Variants in DCAF1 observed in about 807,000 individuals in gnomAD.
DCAF1 encodes the protein DDB1 and CUL4 associated factor 1.
In DCAF1, 15 loss-of-function variants were observed where a neutral mutation model predicts 128.0. The ratio of observed to expected loss-of-function variants is 0.12; its 90% CI spans 0.08 to 0.18. DCAF1 has a LOEUF of 0.18. Ranked by LOEUF, DCAF1 falls within the 10% of genes least tolerant of loss-of-function variation. The pLI is 1.00. For missense variants in DCAF1, 988 were observed against 1,649.5 expected (o/e 0.60, Z 6.95); for synonymous variants, 610 against 603.0 (o/e 1.01, Z -0.17).
chr3:51,416,415 A>G (rs1698885596), intron 18 of DCAF1, among the ~76,000 whole-genome samples: 1 of 152,038 alleles, frequency 6.6e-6, no homozygotes, highest in Non-Finnish European at 1.5e-5. Context: ...ACCACCAAGC[A>G]TTTCCTACCT....
At chr3:51,465,277 T>C (rs1036415999) in intron 5 of DCAF1, among the ~76,000 whole-genome samples, 5 of 152,094 alleles carry the variant, frequency 3.3e-5, no homozygotes, top group African/African-American at 4.8e-5. Context: ...AAGGACATCG[T>C]TACTGAGCTA....
intron 13 of DCAF1, among the ~76,000 whole-genome samples, chr3:51,427,076 A>G (rs782650564): frequency 5.9e-5 from 9 of 152,212 alleles, no homozygotes; most frequent in Non-Finnish European, 1.0e-4. Context: ...GCTCAAGACA[A>G]GACTTTAACC....
chr3:51,485,850 A>G (rs181466592), intron 2 of DCAF1, among the ~76,000 whole-genome samples: 1 of 151,662 alleles, frequency 6.6e-6, no homozygotes, highest in East Asian at 1.9e-4. Context: ...TACCTGCCCT[A>G]CCCCAAAAAT....
chr3:51,420,141 G>A lies in DCAF1; in HGVS notation c.2829C>T (p.Pro943=), dbSNP rs371447321. 3.8e-4 allele frequency: 606 copies of A among 1,614,012 alleles called. 3 individuals carry two copies. The South Asian group carries it at 5.3e-3, about 14-fold the overall frequency. The change falls in exon 15 of 25, where the codon CCC becomes CCT. Residue 943 remains proline (P), a synonymous_variant. Coordinates refer to ENST00000684031, the MANE Select transcript of DCAF1 (RefSeq NM_001387579.1). This position sits in a 1 kb window ranked among gnomAD's most constrained non-coding sequence, Gnocchi z 6.5. ...GGGAGTTGCCTGCATAAGATGGGCC[G>A]GGCAGAGCTAGCGGACCCTGGGGGG... The part of the protein sequence containing the change: ...PRPPQGPLAL[P]GPSYAGNSPL...
chr3:51,441,105 T>C, intron 8 of DCAF1, 34 bp from the exon 9 acceptor site: 1 of 1,566,846 alleles, frequency 6.4e-7, no homozygotes, highest in Non-Finnish European at 8.7e-7. Flanking sequence ...TCTTAAATTT[T>C]GGCTTTATTG....
intron 2 of DCAF1, among the ~76,000 whole-genome samples, chr3:51,495,333 T>A (rs1553660209): frequency 6.8e-6 from 1 of 148,050 alleles, no homozygotes; most frequent in Admixed American, 6.9e-5. Context: ...TCAAAAAAAA[T>A]ATTAAGAATA....
intron 6 of DCAF1, among the ~76,000 whole-genome samples, chr3:51,462,084 A>C (rs933080593): frequency 1.3e-5 from 2 of 152,016 alleles, no homozygotes; most frequent in Admixed American, 1.3e-4. Context: ...TAAAAAAAAA[A>C]GAAAAGAAAA....
intron 6 of DCAF1, among the ~76,000 whole-genome samples, chr3:51,447,689 TG>T (rs1469416385): frequency 6.6e-6 from 1 of 152,224 alleles, no homozygotes; most frequent in African/African-American, 2.4e-5. Flanking sequence ...GGCTCATGCC[TG>T]TAATTCCAGC....
intron 14 of DCAF1, among the ~76,000 whole-genome samples, chr3:51,421,392 G>A (rs1699378836): frequency 6.6e-6 from 1 of 152,158 alleles, no homozygotes; most frequent in South Asian, 2.1e-4. Flanking sequence ...AAAGAGCTGG[G>A]ATTACAGGCG....
chr3:51,415,876 G>A (rs1698834938), intron 18 of DCAF1, among the ~76,000 whole-genome samples: 1 of 152,138 alleles, frequency 6.6e-6, no homozygotes, highest in Non-Finnish European at 1.5e-5. Flanking sequence ...AAGCCACTAA[G>A]TCTGGCCAGC....
At chr3:51,403,460 C>T (rs2089882336) in intron 23 of DCAF1, 65 bp from the exon 24 acceptor site, 3 of 1,527,870 alleles carry the variant, frequency 2.0e-6, no homozygotes, top group East Asian at 2.5e-5. Context: ...GGCCACATGG[C>T]GGGTCGACCA....
chr3:51,497,203 G>A (rs567981120), intron 1 of DCAF1, among the ~76,000 whole-genome samples: 1 of 152,280 alleles, frequency 6.6e-6, no homozygotes, highest in South Asian at 2.1e-4. Context: ...GCTGAGGCAT[G>A]AGAATCGCTT....
At chr3:51,498,317 G>A (rs1209488527) in intron 1 of DCAF1, among the ~76,000 whole-genome samples, 3 of 148,634 alleles carry the variant, frequency 2.0e-5, no homozygotes, top group African/African-American at 2.5e-5. Flanking sequence ...ACAAGATCGC[G>A]CCACTGCACT....
intron 16 of DCAF1, 38 bp downstream of exon 16, chr3:51,418,640 G>A (rs111916442): frequency 4.5e-6 from 7 of 1,572,862 alleles, no homozygotes; most frequent in Non-Finnish European, 6.0e-6. Flanking sequence ...ATTCATCTTG[G>A]AAGAATGACT....
intron 13 of DCAF1, 130 bp from the exon 14 acceptor site, chr3:51,422,561 G>A: frequency 1.6e-6 from 1 of 622,184 alleles, no homozygotes; most frequent in South Asian, 1.9e-5. Flanking sequence ...CTACCAGTGT[G>A]GCTCTATCTC....
chr3:51,448,328 T>A (rs1553640765), intron 6 of DCAF1, among the ~76,000 whole-genome samples: 1 of 152,226 alleles, frequency 6.6e-6, no homozygotes, highest in East Asian at 1.9e-4. Flanking sequence ...AGGATCTTCA[T>A]TATTAGTTAC....
intron 6 of DCAF1, among the ~76,000 whole-genome samples, chr3:51,455,767 C>A (rs1440139555): frequency 1.3e-5 from 2 of 151,912 alleles, no homozygotes; most frequent in Admixed American, 6.6e-5. Flanking sequence ...CATGGTGGCA[C>A]GAGCCTGTAG....
At chr3:51,432,631 G>T (rs1356864897) in intron 10 of DCAF1, among the ~76,000 whole-genome samples, 3 of 152,026 alleles carry the variant, frequency 2.0e-5, no homozygotes, top group East Asian at 1.9e-4. Context: ...GCTAATTTTT[G>T]TATTTTTAGT....
rs879967021 is a variant in DCAF1 at position 51,466,680 on chromosome 3, G to T, written c.261+123C>A. The T allele has an allele frequency of 7.9e-6, 7 of 883,782 alleles. No homozygotes were observed. The Admixed American group carries it at 1.8e-4, about 23-fold the overall frequency. The allele number at this position is 883,782 out of a possible 1,614,324, so 54.7% of individuals were successfully genotyped here. On this transcript the variant is annotated intron_variant, in intron 5 of 24. Coordinates refer to ENST00000684031, the MANE Select transcript of DCAF1 (RefSeq NM_001387579.1). ...CATTATGGCCACAACCAGGACTTTG[G>T]CAAAAAACTCTACTCCCAACTTTGT...
Sources: gnomAD v4.1 joint callset for allele counts (sites outside exome capture counted in the v4.1 genomes callset) on GRCh38, gnomAD v4.1.1 for gene constraint, Gnocchi (gnomAD v3.1) non-coding constraint, MANE v1.5 for transcripts, NCBI Gene and HGNC (gene_info 2026-07-23, HGNC 2026-07-21) for gene names.